Variants in SPIB observed in about 807,000 individuals in gnomAD.
SPIB encodes Spi-B transcription factor, also known as transcription factor Spi-B.
A neutral mutation model predicts 31.9 loss-of-function variants in SPIB; 7 were observed. That is an observed-to-expected ratio of 0.22 (90% confidence interval 0.12 to 0.41). The LOEUF (loss-of-function observed/expected upper bound fraction) is 0.41, where lower values mean the gene tolerates loss of function less well. Ranked by LOEUF, SPIB falls within the 10% of genes least tolerant of loss-of-function variation. The pLI is 1.00. For synonymous variants in SPIB, 176 were observed against 158.9 expected (o/e 1.11, Z -0.81); for missense variants, 327 against 360.2 (o/e 0.91, Z 0.75).
At chr19:50,421,038 GTA>G (rs772222896) in intron 2 of SPIB, among the ~76,000 whole-genome samples, 1 of 152,148 alleles carries the variant, frequency 6.6e-6, no homozygotes. Context: ...TTTCCTTGCT[GTA>G]TAGTACTCTA....
At chr19:50,427,955 G>A (rs2039589278) in intron 5 of SPIB, 83 bp from the exon 6 acceptor site, 5 of 1,409,886 alleles carry the variant, frequency 3.5e-6, no homozygotes, top group Non-Finnish European at 4.7e-6. Context: ...GGAGGCCGGG[G>A]TGGAAGTCTC....
chr19:50,424,912 T>C, intron 5 of SPIB, among the ~76,000 whole-genome samples: 1 of 151,678 alleles, frequency 6.6e-6, no homozygotes, highest in East Asian at 2.0e-4. Flanking sequence ...TGAGCTGAGA[T>C]TGCACCACTG....
chr19:50,426,810 C>T (rs1485442279), intron 5 of SPIB, among the ~76,000 whole-genome samples: 5 of 151,804 alleles, frequency 3.3e-5, no homozygotes, highest in East Asian at 3.9e-4. Context: ...CTTATACTTT[C>T]GATGAATGCC....
chr19:50,425,793 T>C (rs1191618598), intron 5 of SPIB, among the ~76,000 whole-genome samples: 3 of 152,124 alleles, frequency 2.0e-5, no homozygotes, highest in Non-Finnish European at 2.9e-5. Flanking sequence ...ATGGCACGCC[T>C]GGAGGCCACA....
intron 1 of SPIB, among the ~76,000 whole-genome samples, chr19:50,419,269 A>C (rs1449015158): frequency 6.6e-6 from 1 of 151,884 alleles, no homozygotes; most frequent in Admixed American, 6.6e-5. Flanking sequence ...CACTCTGTCC[A>C]TCCTCCTGTC....
intron 5 of SPIB, among the ~76,000 whole-genome samples, chr19:50,426,317 T>C (rs2039565210): frequency 6.6e-6 from 1 of 152,102 alleles, no homozygotes; most frequent in South Asian, 2.1e-4. Flanking sequence ...GCACAGTCCA[T>C]GCAGGGCCGT....
In SPIB at chr19:50,423,747, C is replaced by A. The variant is rs1378680947; in HGVS notation, c.482C>A (p.Ser161Tyr). The A allele has an allele frequency of 3.1e-6, 5 of 1,607,700 alleles. No homozygotes were observed. Among genetic ancestry groups the A allele is most frequent in the Non-Finnish European group, 4.2e-6 (5 of 1,177,292 alleles). The change falls in exon 5 of 6, where the codon TCC becomes TAC. Residue 161 changes from serine to tyrosine, a missense_variant. Transcript: ENST00000595883. The part of the protein sequence containing the change: ...ALVAGPEGKG[S>Y]EAGTRKKLRL... ...GTGGCTGGCCCCGAGGGGAAGGGAT[C>A]CGAGGCAGGTATGCGGGAGTGGCTG... is the stretch of plus-strand genomic sequence containing the variant.
chr19:50,427,867 C>CCCA lies in SPIB; in HGVS notation c.491-169_491-168insACC, dbSNP rs771901454. Among the ~76,000 whole-genome samples the CCCA allele has an allele frequency of 5.3e-3, 743 of 141,444 alleles. 14 individuals are homozygous for CCCA. Among genetic ancestry groups the CCCA allele is most frequent in the Middle Eastern group, 0.019 (5 of 264 alleles). 92.8% of individuals were successfully genotyped at this position (141,444 alleles called of 152,430 possible). On this transcript the variant is annotated intron_variant, in intron 5 of 5. Coordinates refer to ENST00000595883, the MANE Select transcript of SPIB (RefSeq NM_003121.5). ...GCAGGGGGAGTGGCTTGCCCCCCCC[C>CCCA]CCCCCCGTGGTGAGGGGCGCAGAGC...
At chr19:50,422,352 C>A (rs1568648165) in intron 2 of SPIB, 121 bp from the exon 3 acceptor site, 1 of 729,596 alleles carries the variant, frequency 1.4e-6, no homozygotes, top group Non-Finnish European at 2.3e-6. Context: ...TTGCTCTAAT[C>A]TCTCCAGCAT....
chr19:50,423,263 G>T (rs945357861), intron 4 of SPIB: 32 of 468,010 alleles, frequency 6.8e-5, no homozygotes, highest in African/African-American at 1.2e-4. Flanking sequence ...TTTGGTTGAG[G>T]TTTGCTGGGT....
chr19:50,426,081 C>T (rs147205541), intron 5 of SPIB, among the ~76,000 whole-genome samples: 5,196 of 152,088 alleles, frequency 0.034, 115 homozygotes, highest in Middle Eastern at 0.075. Flanking sequence ...TGGTGGTGCA[C>T]GCCTGTAATC....
intron 5 of SPIB, among the ~76,000 whole-genome samples, 175 bp downstream of exon 5, chr19:50,423,930 G>A (rs529384447): frequency 1.4e-4 from 21 of 152,240 alleles, no homozygotes; most frequent in African/African-American, 4.8e-4. Context: ...CTGTGCCCAG[G>A]TTTCCTGTCT....
At chr19:50,423,198 C>T in intron 4 of SPIB, 161 bp downstream of exon 4, 4 of 383,424 alleles carry the variant, frequency 1.0e-5, no homozygotes, top group Non-Finnish European at 1.8e-5. Flanking sequence ...GAGCAAGACC[C>T]TGTCTCAAAA....
chr19:50,419,980 TG>T lies in SPIB; in HGVS notation c.51+11del. ...GCCACACTTCAGCTGTCTGGTGAGT[TG>T]GGGCCCCTGGGGGCCAGGGAGGGGT... On this transcript the variant is annotated splice_region_variant and intron_variant, in intron 2 of 5. Coordinates refer to ENST00000595883, the MANE Select transcript of SPIB (RefSeq NM_003121.5). 1 of 1,472,488 alleles carries T rather than the reference TG, an allele frequency of 6.8e-7. No homozygotes were observed. The highest frequency in any genetic ancestry group is 1.4e-5 in the South Asian group (1 of 69,420). 91.2% of individuals were successfully genotyped at this position (1,472,488 alleles called of 1,614,324 possible).
At chr19:50,420,702 A>G (rs2039484168) in intron 2 of SPIB, among the ~76,000 whole-genome samples, 1 of 152,180 alleles carries the variant, frequency 6.6e-6, no homozygotes, top group Non-Finnish European at 1.5e-5. Context: ...GTCTTGGCTC[A>G]CTGCAAGCTC....
Position 50,422,540 on chromosome 19 carries a change from C to T in SPIB, c.119C>T (p.Ala40Val), listed in dbSNP as rs756505597. 1.2e-6 allele frequency: 2 copies of T among 1,613,892 alleles called. No individual in the cohort carries two copies. Among genetic ancestry groups the T allele is most frequent in the South Asian group, 2.2e-5 (2 of 91,072 alleles). ...TCCAGCTACCCTGATTCAGAGGGGGCTCCTGGTGAGTGACCCCAGCCCTGT... is the reference window on the plus strand; with the variant it reads ...TCCAGCTACCCTGATTCAGAGGGGGTTCCTGGTGAGTGACCCCAGCCCTGT... ...KHSSYPDSEG[A>V]PDSLWDWTVA... Residue 40 changes from alanine to valine, a missense_variant, in exon 3 of 6, where the codon GCT becomes GTT. Transcript: ENST00000595883.
At chr19:50,419,874 A>C (rs2122539286) in intron 1 of SPIB, 72 bp from the exon 2 acceptor site, 1 of 1,474,656 alleles carries the variant, frequency 6.8e-7, no homozygotes, top group Non-Finnish European at 9.0e-7. Flanking sequence ...CCTCCCCATC[A>C]GCCCCCAACC....
rs2039625250 is a variant in SPIB, at chr19:50,430,308, AG to A, written c.*1975del. On this transcript the variant is annotated 3_prime_UTR_variant, in exon 6 of 6. Transcript: ENST00000595883. ...CTATGGAGCCCTGGTTGGGACCCCC[AG>A]GGAGTCAAAGGCTGCGGGCCAAGAG... 6.6e-6 allele frequency: 1 copy of A among 152,188 alleles called. No homozygotes were observed. Among genetic ancestry groups the A allele is most frequent in the Non-Finnish European group, 1.5e-5 (1 of 68,142 alleles). The allele number at this position is 152,188 out of a possible 1,614,324, so 9.4% of individuals were successfully genotyped here. A position where few individuals can be genotyped will look rare whatever the true frequency, so the allele number is the denominator to read the frequency against.
At position 50,419,991 on chromosome 19, in the gene SPIB, G is replaced by A; in HGVS notation, c.51+18G>A. On this transcript the variant is annotated intron_variant, in intron 2 of 5. Coordinates refer to ENST00000595883, the MANE Select transcript of SPIB (RefSeq NM_003121.5). ...GCTGTCTGGTGAGTTGGGGCCCCTG[G>A]GGGCCAGGGAGGGGTGGCCCACAGT... 6.8e-7 allele frequency: 1 copy of A among 1,460,680 alleles called. No individual in the cohort carries two copies. 90.5% of individuals were successfully genotyped at this position (1,460,680 alleles called of 1,614,324 possible).
Sources: gnomAD v4.1 joint callset for allele counts (sites outside exome capture counted in the v4.1 genomes callset) on GRCh38, gnomAD v4.1.1 for gene constraint, MANE v1.5 for transcripts, NCBI Gene and HGNC (gene_info 2026-07-23, HGNC 2026-07-21) for gene names.